Variants in TEX2 observed in about 807,000 individuals in gnomAD.
TEX2 encodes the protein testis-expressed protein 2.
Under a neutral mutation model 106.9 loss-of-function variants are expected in TEX2, and 53 were observed. That is an observed-to-expected ratio of 0.50 (90% confidence interval 0.40 to 0.62). TEX2 has a LOEUF of 0.62. TEX2 is among the 20% of genes least tolerant of loss of function. The pLI is 0.00. For synonymous variants in TEX2, 523 were observed against 534.8 expected (o/e 0.98, Z 0.30); for missense variants, 1,207 against 1,379.0 (o/e 0.88, Z 1.98).
At position 64,214,102 on chromosome 17, in the gene TEX2, G is replaced by A. The variant is rs782108981; in HGVS notation, c.116C>T (p.Ser39Leu). Residue 39 changes from serine (S) to leucine (L), a missense_variant, in exon 2 of 12, where the codon TCG becomes TTG. Ser to Leu is a moderately radical substitution (Grantham distance 145). Coordinates refer to ENST00000584379, the MANE Select transcript of TEX2 (RefSeq NM_001288732.2). ...VSRDTIAIHF[S>L]ASGEEEEEEE... is the part of the protein sequence containing the mutation. ...TTCCTCCTCCTCCTCGCCGGATGCC[G>A]AGAAGTGAATGGCGATGGTATCTCG... 9 of 1,614,040 alleles carry A rather than the reference G, an allele frequency of 5.6e-6. No homozygotes were observed. The East Asian group carries it at 1.1e-4, about 20-fold the overall frequency.
At chr17:64,237,159 C>A (rs1318515718) in intron 1 of TEX2, among the ~76,000 whole-genome samples, 2 of 152,150 alleles carry the variant, frequency 1.3e-5, no homozygotes, top group Non-Finnish European at 2.9e-5. Context: ...GGGCTGACAT[C>A]TCCAGGATGA....
chr17:64,242,361 G>A (rs2033903456), intron 1 of TEX2: 1 of 152,146 alleles, frequency 6.6e-6, no homozygotes, highest in African/African-American at 2.4e-5. Flanking sequence ...GAACCACTTT[G>A]TATAAGGTTG....
At chr17:64,248,766 G>A (rs1404799124) in intron 1 of TEX2, among the ~76,000 whole-genome samples, 2 of 152,176 alleles carry the variant, frequency 1.3e-5, no homozygotes, top group Non-Finnish European at 2.9e-5. Context: ...GGCCAGGCAG[G>A]GCTCACCCCT....
chr17:64,181,477 A>ATT (rs2031859089), intron 5 of TEX2, among the ~76,000 whole-genome samples: 1 of 120,976 alleles, frequency 8.3e-6, no homozygotes, highest in Admixed American at 8.0e-5. Context: ...TATCTCAAAA[A>ATT]AAAAAAAAAA....
At chr17:64,255,158 C>T (rs1359162518) in intron 1 of TEX2, among the ~76,000 whole-genome samples, 1 of 151,340 alleles carries the variant, frequency 6.6e-6, no homozygotes, top group African/African-American at 2.4e-5. Flanking sequence ...AGCCACAGCA[C>T]CTGGCCTTTA....
At chr17:64,176,436 T>C (rs1193716033) in intron 6 of TEX2, among the ~76,000 whole-genome samples, 1 of 152,216 alleles carries the variant, frequency 6.6e-6, no homozygotes. Context: ...TGAAAGGATA[T>C]CATAGGCTTC....
In TEX2 at chr17:64,147,428, G is replaced by C. The variant is rs1202291484; in HGVS notation, c.*1541C>G. 1.3e-5 allele frequency: 2 copies of C among 152,038 alleles called. No individual in the cohort carries two copies. Among genetic ancestry groups the C allele is most frequent in the African/African-American group, 4.8e-5 (2 of 41,374 alleles). 9.4% of individuals were successfully genotyped at this position (152,038 alleles called of 1,614,324 possible). ...AGGATTCCGTAGAAATGACTTAGATGCTTATCTAGTATTTGACATTGAGAT... is the reference window on the plus strand; with the variant it reads ...AGGATTCCGTAGAAATGACTTAGATCCTTATCTAGTATTTGACATTGAGAT... On this transcript the variant is annotated 3_prime_UTR_variant, in exon 12 of 12. Transcript: ENST00000584379.
At chr17:64,248,407 A>C (rs1226239377) in intron 1 of TEX2, among the ~76,000 whole-genome samples, 1 of 152,326 alleles carries the variant, frequency 6.6e-6, no homozygotes, top group African/African-American at 2.4e-5. Flanking sequence ...TAAGGACCTC[A>C]TTTTAAAGAT....
intron 7 of TEX2, among the ~76,000 whole-genome samples, chr17:64,168,648 C>T (rs1332769227): frequency 6.6e-6 from 1 of 152,220 alleles, no homozygotes; most frequent in Non-Finnish European, 1.5e-5. Flanking sequence ...TCTACAAATT[C>T]AGCAAAGGGC....
At position 64,148,892 on chromosome 17, in the gene TEX2, C is replaced by T. The variant is rs906833249; in HGVS notation, c.*77G>A. The T allele has an allele frequency of 5.7e-6, 9 of 1,583,572 alleles. No homozygotes were observed. The highest frequency in any genetic ancestry group is 4.3e-6 in the Non-Finnish European group (5 of 1,160,548). On this transcript the variant is annotated 3_prime_UTR_variant, in exon 12 of 12. Coordinates refer to ENST00000584379, the MANE Select transcript of TEX2 (RefSeq NM_001288732.2). ...AGTAGCTGTGGCACAGAGGCCAGTG[C>T]TACAGTACAGATGGCGGCCAAGAAC... is the stretch of plus-strand genomic sequence containing the variant.
chr17:64,203,421 T>C (rs955084005), intron 2 of TEX2, among the ~76,000 whole-genome samples: 18 of 152,140 alleles, frequency 1.2e-4, no homozygotes, highest in South Asian at 8.3e-4. Flanking sequence ...CTGAAGCACA[T>C]AAAAAGGTAA....
chr17:64,205,413 GTA>G lies in TEX2; in HGVS notation c.1644+7159_1644+7160del, dbSNP rs1205545519. 9.9e-5 allele frequency among the ~76,000 whole-genome samples: 15 copies of G among 152,216 alleles called. No individual in the cohort carries two copies. The East Asian group carries it at 2.1e-3, about 22-fold the overall frequency. On this transcript the variant is annotated intron_variant, in intron 2 of 11. Transcript: ENST00000584379. This position sits in a 1 kb window ranked among gnomAD's most constrained non-coding sequence, Gnocchi z 4.0. ...ATAAAAACCATACATAAAAACTCAG[GTA>G]ACCCATTATAGGGGCAGGATATTTT...
rs368157792 is a variant in TEX2 at position 64,248,237 on chromosome 17, AAGAC to A, written c.-26+14927_-26+14930del. Among the ~76,000 whole-genome samples the A allele has an allele frequency of 3.1e-3, 465 of 152,360 alleles. 1 individual carries two copies. Among genetic ancestry groups the A allele is most frequent in the African/African-American group, 0.011 (453 of 41,584 alleles). On this transcript the variant is annotated intron_variant, in intron 1 of 11. Coordinates refer to ENST00000584379, the MANE Select transcript of TEX2 (RefSeq NM_001288732.2). Reference sequence around the variant, plus strand: ...AGAAATAATCAAAGAACAAGAGAGAAAGACAGAAAAGAAAAATTGGTACACTAAT... The same window carrying A: ...AGAAATAATCAAAGAACAAGAGAGAAAGAAAAGAAAAATTGGTACACTAAT...
chr17:64,172,469 G>T (rs1476190076), intron 6 of TEX2, among the ~76,000 whole-genome samples: 1 of 152,148 alleles, frequency 6.6e-6, no homozygotes, highest in Non-Finnish European at 1.5e-5. Context: ...TGTGCCAACG[G>T]TCTCTTTTAC....
At chr17:64,193,428 A>G (rs776094147) in intron 4 of TEX2, 131 bp downstream of exon 4, 21 of 688,520 alleles carry the variant, frequency 3.1e-5, no homozygotes, top group Non-Finnish European at 4.0e-5. Flanking sequence ...ATGAGAATGC[A>G]CATTAGGTGG....
At chr17:64,161,558 T>C (rs973213201) in intron 7 of TEX2, among the ~76,000 whole-genome samples, 1 of 152,196 alleles carries the variant, frequency 6.6e-6, no homozygotes, top group Admixed American at 6.5e-5. Flanking sequence ...ATTATCCAGA[T>C]ACAATTGCAT....
intron 6 of TEX2, among the ~76,000 whole-genome samples, chr17:64,173,067 C>T (rs1053543851): frequency 6.6e-6 from 1 of 152,112 alleles, no homozygotes; most frequent in Admixed American, 6.5e-5. Flanking sequence ...TCAGCAATCT[C>T]GACCTATTTA....
At chr17:64,225,740 C>A (rs1399524430) in intron 1 of TEX2, among the ~76,000 whole-genome samples, 1 of 151,648 alleles carries the variant, frequency 6.6e-6, no homozygotes, top group Non-Finnish European at 1.5e-5. Context: ...TTTTTTGAGA[C>A]AGAGTCTCGA....
chr17:64,195,219 T>C lies in TEX2; in HGVS notation c.1645-124A>G, dbSNP rs2032430889. ...ACTTGATCACGACACAGATATCAGC[T>C]CACCAATGACTACAGGTTGCAAAGA... On this transcript the variant is annotated intron_variant, in intron 2 of 11. Transcript: ENST00000584379. The surrounding 1 kb of genome is among the most constrained non-coding windows in gnomAD (Gnocchi z 4.1). The C allele has an allele frequency of 5.9e-6, 5 of 853,874 alleles. No homozygotes were observed. Among genetic ancestry groups the C allele is most frequent in the South Asian group, 1.6e-5 (1 of 62,426 alleles). 52.9% of individuals were successfully genotyped at this position (853,874 alleles called of 1,614,324 possible).
Sources: gnomAD v4.1 joint callset for allele counts (sites outside exome capture counted in the v4.1 genomes callset) on GRCh38, gnomAD v4.1.1 for gene constraint, Gnocchi (gnomAD v3.1) non-coding constraint, MANE v1.5 for transcripts, NCBI Gene and HGNC (gene_info 2026-07-23, HGNC 2026-07-21) for gene names.